The following SMCO2 variants were observed in gnomAD, a reference collection of about 807,000 sequenced individuals.
SMCO2 encodes the protein single-pass membrane protein with coiled-coil domains 2.
A neutral mutation model predicts 29.5 loss-of-function variants in SMCO2; 25 were observed. The ratio of observed to expected loss-of-function variants is 0.85; its 90% CI spans 0.62 to 1.18. The LOEUF is 1.18. Ranked by LOEUF, SMCO2 falls within the 50% of genes most tolerant of loss-of-function variation. SMCO2 has a pLI of 0.00. For synonymous variants in SMCO2, 117 were observed against 123.3 expected (o/e 0.95, Z 0.34); for missense variants, 348 against 344.5 (o/e 1.01, Z -0.08).
upstream of SMCO2, among the ~76,000 whole-genome samples, chr12:27,462,688 G>C (rs1469980971): frequency 6.6e-6 from 1 of 152,198 alleles, no homozygotes; most frequent in African/African-American, 2.4e-5. Context: ...AGTTTAAAAA[G>C]AGGCACATTC....
At chr12:27,431,349 G>A in the SMCO2 span, among the ~76,000 whole-genome samples, 4 of 152,088 alleles carry the variant, frequency 2.6e-5, no homozygotes, top group Non-Finnish European at 5.9e-5. Context: ...ACATTTAGTG[G>A]TTAACTGTAG....
At chr12:27,434,409 C>G in the SMCO2 span, among the ~76,000 whole-genome samples, 1 of 152,116 alleles carries the variant, frequency 6.6e-6, no homozygotes. Context: ...GCTTCTTATT[C>G]TTTGTGATCT....
chr12:27,482,641 T>C (rs1056610180), intron 4 of SMCO2, among the ~76,000 whole-genome samples: 3 of 152,246 alleles, frequency 2.0e-5, no homozygotes, highest in Non-Finnish European at 2.9e-5. Flanking sequence ...TTTCCAGGTA[T>C]GTAGAGATCT....
intron 4 of SMCO2, 141 bp from the exon 5 acceptor site, chr12:27,475,441 G>A: frequency 1.3e-6 from 1 of 756,440 alleles, no homozygotes; most frequent in Non-Finnish European, 1.9e-6. Context: ...CTTTTCTTGA[G>A]GCTTGTGTGC....
chr12:27,475,812 G>A lies in SMCO2; in HGVS notation c.362+899G>A, dbSNP rs988636301. The stretch of plus-strand genomic sequence containing the variant: ...AAAATTTAAGAAACTTTGGGCTTAA[G>A]ATGATAAAGTCTTTAGGCCATAGGT... On this transcript the variant is annotated intron_variant, in intron 4 of 7. Coordinates refer to ENST00000298876, the Ensembl canonical transcript of SMCO2. The A allele has an allele frequency of 6.1e-6, 8 of 1,302,040 alleles. No individual in the cohort carries two copies. In the South Asian group the frequency reaches 1.3e-4, roughly 22 times the overall value. The allele number at this position is 1,302,040 out of a possible 1,614,324, so 80.7% of individuals were successfully genotyped here.
chr12:27,424,606 G>A, the SMCO2 span: 1 of 152,202 alleles, frequency 6.6e-6, no homozygotes, highest in Non-Finnish European at 1.5e-5. Flanking sequence ...ACAAGAAATA[G>A]CCAATATTTA....
chr12:27,489,141 C>T (rs766455176), intron 5 of SMCO2, among the ~76,000 whole-genome samples: 3 of 152,084 alleles, frequency 2.0e-5, no homozygotes, highest in Non-Finnish European at 4.4e-5. Context: ...CTCCGCCTCC[C>T]GGGTTCAAGC....
At chr12:27,427,883 G>A in the SMCO2 span, among the ~76,000 whole-genome samples, 1 of 152,196 alleles carries the variant, frequency 6.6e-6, no homozygotes, top group Non-Finnish European at 1.5e-5. Context: ...CATCCCCAGA[G>A]TTTGAAGGTG....
intron 4 of SMCO2, chr12:27,475,688 A>G (rs2135550666): frequency 1.3e-6 from 2 of 1,549,342 alleles, no homozygotes; most frequent in South Asian, 1.2e-5. Context: ...GAAAATTGAC[A>G]ATATTATTAA....
chr12:27,478,108 G>T (rs990902324), intron 4 of SMCO2, among the ~76,000 whole-genome samples: 1 of 152,098 alleles, frequency 6.6e-6, no homozygotes, highest in Non-Finnish European at 1.5e-5. Flanking sequence ...AGTTGAGTAG[G>T]GTGCTTTGGC....
chr12:27,461,135 T>G, the SMCO2 span, among the ~76,000 whole-genome samples: 1 of 152,242 alleles, frequency 6.6e-6, no homozygotes. Context: ...ATGTATACTT[T>G]AAATCAGTTC....
chr12:27,461,594 T>C, the SMCO2 span, among the ~76,000 whole-genome samples: 5 of 152,254 alleles, frequency 3.3e-5, no homozygotes, highest in Non-Finnish European at 5.9e-5. Context: ...GAGAGTTGGC[T>C]GTATAGATAT....
the SMCO2 span, among the ~76,000 whole-genome samples, chr12:27,445,573 C>T: frequency 4.3e-4 from 65 of 152,150 alleles, no homozygotes; most frequent in Middle Eastern, 3.2e-3. Context: ...AAACTTGCAA[C>T]GTAAACTATA....
chr12:27,448,066 T>C, the SMCO2 span, among the ~76,000 whole-genome samples: 1 of 152,186 alleles, frequency 6.6e-6, no homozygotes, highest in Non-Finnish European at 1.5e-5. Context: ...ACATAGCAGA[T>C]GCTCAAAAAT....
intron 7 of SMCO2, among the ~76,000 whole-genome samples, chr12:27,500,916 A>G (rs977156175): frequency 2.0e-5 from 3 of 150,752 alleles, no homozygotes; most frequent in African/African-American, 7.4e-5. Context: ...ACTATGCTCT[A>G]GATTTTCTCT....
At chr12:27,439,305 G>A in the SMCO2 span, among the ~76,000 whole-genome samples, 1 of 152,278 alleles carries the variant, frequency 6.6e-6, no homozygotes, top group African/African-American at 2.4e-5. Context: ...ATCCCTTTGG[G>A]ACCTTCCCCA....
intron 5 of SMCO2, among the ~76,000 whole-genome samples, chr12:27,489,492 T>C (rs780079003): frequency 6.6e-6 from 1 of 152,204 alleles, no homozygotes; most frequent in Non-Finnish European, 1.5e-5. Flanking sequence ...AGTCTGTGTC[T>C]AACAACCTCT....
the SMCO2 span, among the ~76,000 whole-genome samples, chr12:27,460,743 C>G: frequency 6.6e-6 from 1 of 152,072 alleles, no homozygotes; most frequent in African/African-American, 2.4e-5. Flanking sequence ...CCGTGTTCTT[C>G]AAGGTTTGAC....
exon 3 of SMCO2, chr12:27,472,779 G>A: frequency 6.5e-7 from 1 of 1,550,260 alleles, no homozygotes; most frequent in Non-Finnish European, 8.7e-7. Context: ...CTTGCAGTTT[G>A]CTAAAGGAAA....
Sources: gnomAD v4.1 joint callset for allele counts (sites outside exome capture counted in the v4.1 genomes callset) on GRCh38, gnomAD v4.1.1 for gene constraint, MANE v1.5 for transcripts, NCBI Gene and HGNC (gene_info 2026-07-23, HGNC 2026-07-21) for gene names.